The following GRIN3A variants were observed in gnomAD, a reference collection of about 807,000 sequenced individuals.
The protein encoded by GRIN3A is glutamate receptor ionotropic, NMDA 3A.
In GRIN3A, 47 loss-of-function variants were observed where a neutral mutation model predicts 92.4. The observed-to-expected ratio is 0.51, with a 90% CI of 0.40 to 0.65. The LOEUF is 0.65. Ranked by LOEUF, GRIN3A falls within the 30% of genes least tolerant of loss-of-function variation. The probability of loss-of-function intolerance (pLI) is 0.00; values close to 1 mark genes in which losing one functional copy is unlikely to be tolerated. For synonymous variants in GRIN3A, 527 were observed against 540.6 expected (o/e 0.97, Z 0.35); for missense variants, 1,324 against 1,393.1 (o/e 0.95, Z 0.79).
At chr9:101,591,669 T>C (rs951750195) in intron 6 of GRIN3A, 1 of 152,258 alleles carries the variant, frequency 6.6e-6, no homozygotes, top group Non-Finnish European at 1.5e-5. Flanking sequence ...GAACTAGATT[T>C]GTTGGCAACT....
At chr9:101,608,391 C>A (rs1828314186) in intron 6 of GRIN3A, among the ~76,000 whole-genome samples, 1 of 152,200 alleles carries the variant, frequency 6.6e-6, no homozygotes, top group African/African-American at 2.4e-5. Flanking sequence ...TCCCAACTGC[C>A]GTTCCCCTGA....
intron 1 of GRIN3A, among the ~76,000 whole-genome samples, chr9:101,712,348 CT>C (rs1829888913): frequency 6.6e-6 from 1 of 152,138 alleles, no homozygotes; most frequent in Non-Finnish European, 1.5e-5. Context: ...CCAGAAGAGC[CT>C]TTTGAACTAC....
intron 1 of GRIN3A, among the ~76,000 whole-genome samples, chr9:101,736,726 C>G (rs1330305256): frequency 1.3e-5 from 2 of 152,172 alleles, no homozygotes; most frequent in African/African-American, 4.8e-5. Flanking sequence ...TGCAGATTTT[C>G]TATTTACCCA....
At chr9:101,614,097 A>G (rs1828406391) in intron 5 of GRIN3A, among the ~76,000 whole-genome samples, 1 of 152,234 alleles carries the variant, frequency 6.6e-6, no homozygotes, top group Non-Finnish European at 1.5e-5. Context: ...ATAAATAAGA[A>G]GTAATACTAA....
chr9:101,584,077 C>T (rs1260769957), intron 6 of GRIN3A, among the ~76,000 whole-genome samples: 11 of 152,162 alleles, frequency 7.2e-5, no homozygotes. Context: ...GGCTTGAACT[C>T]TCCACCTTAG....
intron 2 of GRIN3A, among the ~76,000 whole-genome samples, chr9:101,683,768 T>C (rs1269719056): frequency 6.6e-6 from 1 of 151,490 alleles, no homozygotes; most frequent in East Asian, 1.9e-4. Flanking sequence ...GCTTCAAAGT[T>C]TGTGGAATAA....
At chr9:101,693,459 G>T (rs548713857) in intron 1 of GRIN3A, among the ~76,000 whole-genome samples, 1 of 151,906 alleles carries the variant, frequency 6.6e-6, no homozygotes, top group African/African-American at 2.4e-5. Context: ...ACCACAATTT[G>T]TTGGACTCAA....
chr9:101,700,313 C>T (rs1213786914), intron 1 of GRIN3A, among the ~76,000 whole-genome samples: 4 of 152,142 alleles, frequency 2.6e-5, no homozygotes, highest in African/African-American at 9.7e-5. Context: ...TTTTATGAGT[C>T]ATTTTCCTTC....
Position 101,623,386 on chromosome 9 carries a change from A to G in GRIN3A, c.2546T>C (p.Leu849Pro). 1 of 1,613,924 alleles carries G rather than the reference A, an allele frequency of 6.2e-7. No individual in the cohort carries two copies. Among genetic ancestry groups the G allele is most frequent in the Non-Finnish European group, 8.5e-7 (1 of 1,179,792 alleles). Residue 849 changes from leucine (L) to proline (P), a missense_variant, in exon 5 of 9, where the codon CTG becomes CCG. Leu to Pro is a moderately conservative substitution (Grantham distance 98). Transcript: ENST00000361820. ...LDAFIMDKAL[L>P]DYEVSIDADC... ...AGCATCTATTGACACTTCATAATCCAGAAGGGCTTTGTCCATGATGAAGGC... is the reference window on the plus strand; with the variant it reads ...AGCATCTATTGACACTTCATAATCCGGAAGGGCTTTGTCCATGATGAAGGC...
intron 1 of GRIN3A, among the ~76,000 whole-genome samples, chr9:101,727,344 G>A (rs1830093102): frequency 6.6e-6 from 1 of 152,140 alleles, no homozygotes; most frequent in African/African-American, 2.4e-5. Context: ...AGATCTTTTG[G>A]TTGTGTATTT....
chr9:101,596,015 T>C (rs1364118299), intron 6 of GRIN3A, among the ~76,000 whole-genome samples: 2 of 152,200 alleles, frequency 1.3e-5, no homozygotes, highest in Non-Finnish European at 2.9e-5. Context: ...CATCAATTAC[T>C]CCAAATGCAT....
intron 3 of GRIN3A, among the ~76,000 whole-genome samples, chr9:101,643,068 C>T (rs1050628509): frequency 6.6e-6 from 1 of 152,006 alleles, no homozygotes; most frequent in African/African-American, 2.4e-5. Flanking sequence ...ACCATCCTTC[C>T]CCACCATCTG....
intron 6 of GRIN3A, among the ~76,000 whole-genome samples, chr9:101,599,399 T>G (rs1828182125): frequency 6.6e-6 from 1 of 152,194 alleles, no homozygotes; most frequent in South Asian, 2.1e-4. Context: ...CAATGTGAAC[T>G]TGAGTTCCCA....
intron 6 of GRIN3A, among the ~76,000 whole-genome samples, chr9:101,600,526 A>G (rs1828197666): frequency 6.6e-6 from 1 of 152,162 alleles, no homozygotes; most frequent in Non-Finnish European, 1.5e-5. Flanking sequence ...GTACCAGGAG[A>G]GTTTGGACAA....
chr9:101,635,835 G>C (rs769422621), intron 3 of GRIN3A, among the ~76,000 whole-genome samples: 1 of 152,148 alleles, frequency 6.6e-6, no homozygotes. Flanking sequence ...AGCAGACCCC[G>C]TAAGGCTGAG....
chr9:101,676,429 T>C (rs1036635955), intron 2 of GRIN3A, among the ~76,000 whole-genome samples: 2 of 152,036 alleles, frequency 1.3e-5, no homozygotes, highest in African/African-American at 2.4e-5. Context: ...TCATTAAACA[T>C]ATCAATATCC....
rs192177997 is a variant in GRIN3A at position 101,621,149 on chromosome 9, G to C, written c.2614+2169C>G. ...AAACTACAAAAATTAGCGGGGTGTG[G>C]TGGTGGGCACCTGTAATCCCAGCTA... On this transcript the variant is annotated intron_variant, in intron 5 of 8. Transcript: ENST00000361820. Among the ~76,000 whole-genome samples the C allele has an allele frequency of 8.5e-3, 1,287 of 152,004 alleles. 12 individuals are homozygous for C. The highest frequency in any genetic ancestry group is 0.013 in the Non-Finnish European group (855 of 67,974).
Position 101,579,286 on chromosome 9 carries a change from C to A in GRIN3A, c.2841G>T (p.Leu947Phe). The A allele has an allele frequency of 1.9e-6, 3 of 1,613,984 alleles. No homozygotes were observed. The highest frequency in any genetic ancestry group is 1.1e-5 in the South Asian group (1 of 91,060). ...LLCIGFGLSILTTIGEHIVYR... is the reference protein window; with the variant it reads ...LLCIGFGLSIFTTIGEHIVYR... ...ATACTATGTGCTCACCAATGGTGGTCAAAATGGACAGACCAAATCCAATGC... is the reference window on the plus strand; with the variant it reads ...ATACTATGTGCTCACCAATGGTGGTAAAAATGGACAGACCAAATCCAATGC... The change falls in exon 7 of 9, where the codon TTG becomes TTT. Residue 947 changes from leucine to phenylalanine, a missense_variant. Coordinates refer to ENST00000361820, the MANE Select transcript of GRIN3A (RefSeq NM_133445.3).
intron 2 of GRIN3A, among the ~76,000 whole-genome samples, chr9:101,674,841 G>T (rs1241465382): frequency 6.6e-6 from 1 of 151,974 alleles, no homozygotes; most frequent in Non-Finnish European, 1.5e-5. Flanking sequence ...GGATTGGAGA[G>T]CAGGGTAGAA....
Sources: allele counts gnomAD v4.1 joint callset (sites outside exome capture counted in the v4.1 genomes callset), GRCh38; gene constraint gnomAD v4.1.1; transcripts MANE v1.5; gene names NCBI Gene and HGNC (gene_info 2026-07-23, HGNC 2026-07-21).